TECPR1: variants seen among roughly 807,000 people sequenced by gnomAD.
The protein encoded by TECPR1 is tectonin beta-propeller repeat-containing protein 1.
Under a neutral mutation model 162.4 loss-of-function variants are expected in TECPR1, and 122 were observed. The observed-to-expected ratio is 0.75, with a 90% CI of 0.65 to 0.87. The LOEUF is 0.87. TECPR1 is among the 40% of genes least tolerant of loss of function. The pLI is 0.00. For missense variants in TECPR1, 1,432 were observed against 1,618.2 expected, an observed-to-expected ratio of 0.88 and a Z score of 1.97; for synonymous variants, 642 against 670.6, an observed-to-expected ratio of 0.96 and a Z score of 0.66.
chr7:98,240,783 T>C lies in TECPR1; in HGVS notation c.933+68A>G, dbSNP rs1054872827. 6.9e-5 allele frequency: 91 copies of C among 1,314,106 alleles called. 1 individual carries two copies. Among genetic ancestry groups the C allele is most frequent in the Middle Eastern group, 3.6e-4 (2 of 5,500 alleles). The allele number at this position is 1,314,106 out of a possible 1,614,324, so 81.4% of individuals were successfully genotyped here. On this transcript the variant is annotated intron_variant, in intron 8 of 25. Coordinates refer to ENST00000447648, the MANE Select transcript of TECPR1 (RefSeq NM_015395.3). ...TCACCCAGGCTGGAGTCCAGTGGTGTGATCACAGCTCACTGCAGTCTCCAA... is the reference window on the plus strand; with the variant it reads ...TCACCCAGGCTGGAGTCCAGTGGTGCGATCACAGCTCACTGCAGTCTCCAA...
Position 98,244,643 on chromosome 7 carries a change from C to G in TECPR1, c.459G>C (p.Lys153Asn). 2 of 1,613,034 alleles carry G rather than the reference C, an allele frequency of 1.2e-6. No homozygotes were observed. Among genetic ancestry groups the G allele is most frequent in the Non-Finnish European group, 1.7e-6 (2 of 1,179,586 alleles). Reference protein sequence around the residue: ...DFPATYTKDKKWNSCVRRRKW... With the variant: ...DFPATYTKDKNWNSCVRRRKW... ...TCCGGCGCCGCACACAAGAATTCCA[C>G]TTCTTGTCTTTCGTGTAGGTGGCGG... The change falls in exon 5 of 26, where the codon AAG becomes AAC. Residue 153 changes from lysine (K) to asparagine (N), a missense_variant. Lys to Asn is a moderately conservative substitution (Grantham distance 94, BLOSUM62 0). Coordinates refer to ENST00000447648, the MANE Select transcript of TECPR1 (RefSeq NM_015395.3).
intron 15 of TECPR1, among the ~76,000 whole-genome samples, chr7:98,229,697 G>C (rs906463913): frequency 6.6e-6 from 1 of 152,198 alleles, no homozygotes; most frequent in African/African-American, 2.4e-5. Flanking sequence ...GGCTGGTGCA[G>C]GTCACAGCCT....
At chr7:98,239,926 C>A (rs767101350) in intron 8 of TECPR1, among the ~76,000 whole-genome samples, 1 of 152,064 alleles carries the variant, frequency 6.6e-6, no homozygotes, top group East Asian at 1.9e-4. Flanking sequence ...CTGGCTAACT[C>A]GGTGATACCC....
rs74328066 is a variant in TECPR1, at chr7:98,215,969, C to G, written c.*1421G>C. On this transcript the variant is annotated 3_prime_UTR_variant, in exon 26 of 26. Transcript: ENST00000447648. ...AAACTGTACAAATACACACAACGGA[C>G]CCCCAGCTGACAGTGAGACCAGGAC... 0.023 allele frequency: 3,485 copies of G among 152,342 alleles called. 71 individuals carry two copies. Among genetic ancestry groups the G allele is most frequent in the East Asian group, 0.048 (248 of 5,164 alleles). The allele number at this position is 152,342 out of a possible 1,614,324, so 9.4% of individuals were successfully genotyped here.
chr7:98,233,637 G>A lies in TECPR1; in HGVS notation c.1456C>T (p.Pro486Ser), dbSNP rs574319111. The change falls in exon 11 of 26, where the codon CCC becomes TCC. Residue 486 changes from proline (P) to serine (S), a missense_variant. Pro to Ser is a moderately conservative substitution (Grantham distance 74). Coordinates refer to ENST00000447648, the MANE Select transcript of TECPR1 (RefSeq NM_015395.3). Reference protein sequence around the residue: ...PGPAPTPAELPWTNIDLKEAK... With the variant: ...PGPAPTPAELSWTNIDLKEAK... ...TCCTTGAGGTCAATATTGGTCCAGG[G>A]CAGCTCGGCCGGGGTGGGGGCCGGG... 1.6e-5 allele frequency: 26 copies of A among 1,590,934 alleles called. No individual in the cohort carries two copies. Among genetic ancestry groups the A allele is most frequent in the African/African-American group, 1.6e-4 (12 of 74,480 alleles).
intron 19 of TECPR1, 114 bp from the exon 20 acceptor site, chr7:98,223,832 G>T: frequency 8.7e-7 from 1 of 1,148,182 alleles, no homozygotes; most frequent in Non-Finnish European, 1.3e-6. Flanking sequence ...CTGGGTGGAA[G>T]CCATGGATGG....
chr7:98,219,882 C>G (rs907086887), intron 23 of TECPR1, among the ~76,000 whole-genome samples: 3 of 151,666 alleles, frequency 2.0e-5, no homozygotes, highest in African/African-American at 7.3e-5. Flanking sequence ...GCCTGGGCAA[C>G]AAGAGCAGAA....
chr7:98,222,542 C>A (rs752752529), intron 21 of TECPR1, 21 bp from the exon 22 acceptor site: 3 of 1,558,650 alleles, frequency 1.9e-6, no homozygotes, highest in East Asian at 2.4e-5. Context: ...CAAGGAGGGG[C>A]GCTGAGGTCA....
chr7:98,229,800 C>G (rs1028833772), intron 15 of TECPR1, among the ~76,000 whole-genome samples: 8 of 152,180 alleles, frequency 5.3e-5, no homozygotes, highest in African/African-American at 1.9e-4. Context: ...GCCAGGGCTT[C>G]TGGCTCACTA....
Position 98,240,893 on chromosome 7 carries a change from C to T in TECPR1, c.891G>A (p.Ser297=), listed in dbSNP as rs974608862. 40 of 1,609,214 alleles carry T rather than the reference C, an allele frequency of 2.5e-5. No homozygotes were observed. The highest frequency in any genetic ancestry group is 6.7e-5 in the Admixed American group (4 of 59,566). Residue 297 remains serine, a synonymous_variant, in exon 8 of 26, where the codon TCG becomes TCA. Transcript: ENST00000447648. ...CAGCCCAGACCACGCTGACTCCCAC[C>T]GAGATGTGCATGACCCCGTTTTCAG... ...PGSENGVMHI[S]VGVSVVWAVT... is the part of the protein sequence containing the mutation.
At chr7:98,226,733 A>T in intron 17 of TECPR1, 1 of 993,860 alleles carries the variant, frequency 1.0e-6, no homozygotes. Flanking sequence ...CAGGAGTTGG[A>T]GACCAGCCTC....
rs1798610158 is a variant in TECPR1 at position 98,236,759 on chromosome 7, C to G, written c.1181+17G>C. Reference sequence around the variant, plus strand: ...CATCCCAGCCTGACTCCTGCGCACCCTGCCACCCCCAGTCACCTGAGGAGA... The same window carrying G: ...CATCCCAGCCTGACTCCTGCGCACCGTGCCACCCCCAGTCACCTGAGGAGA... On this transcript the variant is annotated intron_variant, in intron 10 of 25. Transcript: ENST00000447648. The G allele has an allele frequency of 6.3e-7, 1 of 1,592,662 alleles. No homozygotes were observed. Among genetic ancestry groups the G allele is most frequent in the East Asian group, 2.3e-5 (1 of 43,472 alleles).
chr7:98,222,898 C>G, intron 21 of TECPR1, 92 bp downstream of exon 21: 1 of 1,521,150 alleles, frequency 6.6e-7, no homozygotes, highest in South Asian at 1.2e-5. Context: ...TCCACTGGTC[C>G]TAGGGGCTTG....
At position 98,221,687 on chromosome 7, in the gene TECPR1, G is replaced by A. The variant is rs773494981; in HGVS notation, c.3131C>T (p.Thr1044Met). The A allele has an allele frequency of 8.1e-6, 13 of 1,613,128 alleles. No homozygotes were observed. The highest frequency in any genetic ancestry group is 3.3e-5 in the Admixed American group (2 of 59,966). Residue 1044 changes from threonine (T) to methionine (M), a missense_variant, in exon 23 of 26, where the codon ACG (threonine) becomes ATG (methionine). Thr to Met is a moderately conservative substitution (Grantham distance 81). Coordinates refer to ENST00000447648, the MANE Select transcript of TECPR1 (RefSeq NM_015395.3). The stretch of plus-strand genomic sequence containing the variant: ...ATTCTCATCCAGGGCATACACCGAC[G>A]TCTGCCCCGCGGACACCTGCTTCAG... ...QRLKQVSAGQTSVYALDENGN... is the reference protein window; with the variant it reads ...QRLKQVSAGQMSVYALDENGN...
chr7:98,230,072 C>A (rs762203072), intron 15 of TECPR1, among the ~76,000 whole-genome samples: 2 of 151,414 alleles, frequency 1.3e-5, no homozygotes, highest in Non-Finnish European at 2.9e-5. Flanking sequence ...TCACACCTCA[C>A]TGCAGCCTTG....
At position 98,232,467 on chromosome 7, in the gene TECPR1, G is replaced by A. The variant is rs988797609; in HGVS notation, c.1818+360C>T. ...GGTGGGGTCTCCGGCCGCCCTCTGT[G>A]CTAACTCCTTGCAATCACACGCTAC... On this transcript the variant is annotated intron_variant, in intron 12 of 25. Transcript: ENST00000447648. This position sits in a 1 kb window ranked among gnomAD's most constrained non-coding sequence, Gnocchi z 4.6. Among the ~76,000 whole-genome samples, 2 of 151,876 alleles carry A rather than the reference G, an allele frequency of 1.3e-5. No individual in the cohort carries two copies. Among genetic ancestry groups the A allele is most frequent in the Non-Finnish European group, 2.9e-5 (2 of 67,978 alleles).
chr7:98,239,335 G>A lies in TECPR1; in HGVS notation c.934-725C>T, dbSNP rs528303576. Among the ~76,000 whole-genome samples the A allele has an allele frequency of 2.6e-5, 4 of 152,318 alleles. No homozygotes were observed. The South Asian group carries it at 8.3e-4, about 32-fold the overall frequency. On this transcript the variant is annotated intron_variant, in intron 8 of 25. Transcript: ENST00000447648. Reference sequence around the variant, plus strand: ...GGAGGCTGAGGCGGGTGGATCACCTGCGGTCAGGAGTTGGAGACCAGCCTG... The same window carrying A: ...GGAGGCTGAGGCGGGTGGATCACCTACGGTCAGGAGTTGGAGACCAGCCTG...
In TECPR1 at chr7:98,246,096, C is replaced by A; in HGVS notation, c.51G>T (p.Thr17=). The A allele has an allele frequency of 1.9e-6, 3 of 1,558,772 alleles. No homozygotes were observed. Among genetic ancestry groups the A allele is most frequent in the Non-Finnish European group, 2.6e-6 (3 of 1,152,232 alleles). Residue 17 remains threonine (T), a synonymous_variant, in exon 3 of 26, where the codon ACG becomes ACT. Transcript: ENST00000447648. ...WAVDLFGRVY[T]LSTAGQYWEM... is the part of the protein sequence containing the mutation. ...CCCAGTACTGGCCTGCTGTGGACAG[C>A]GTGTACACTCTCCCGAAGAGGTCCA...
At position 98,217,748 on chromosome 7, in the gene TECPR1, G is replaced by A. The variant is rs1021405354; in HGVS notation, c.3328C>T (p.Arg1110Cys). The A allele has an allele frequency of 9.7e-6, 15 of 1,550,524 alleles. No individual in the cohort carries two copies. Among genetic ancestry groups the A allele is most frequent in the African/African-American group, 4.1e-5 (3 of 73,072 alleles). Residue 1110 changes from arginine (R) to cysteine (C), a missense_variant, in exon 25 of 26, where the codon CGC becomes TGC. Coordinates refer to ENST00000447648, the MANE Select transcript of TECPR1 (RefSeq NM_015395.3). ...GGCTCGTGAGGCTGCACGCCGGTGCGATGACACACTGTCCCCCGGCTCAGG... is the reference window on the plus strand; with the variant it reads ...GGCTCGTGAGGCTGCACGCCGGTGCAATGACACACTGTCCCCCGGCTCAGG... ...HSLSRGTVCH[R>C]TGVQPHEPKG...
Sources: allele counts gnomAD v4.1 joint callset (sites outside exome capture counted in the v4.1 genomes callset), GRCh38; gene constraint gnomAD v4.1.1; non-coding constraint Gnocchi (gnomAD v3.1); transcripts MANE v1.5; gene names NCBI Gene and HGNC (gene_info 2026-07-23, HGNC 2026-07-21).